The following TBC1D32 variants were observed in gnomAD, a reference collection of about 807,000 sequenced individuals.
The protein encoded by TBC1D32 is TBC1 domain family member 32.
A neutral mutation model predicts 170.3 loss-of-function variants in TBC1D32; 151 were observed. The observed-to-expected ratio is 0.89, with a 90% CI of 0.78 to 1.01. The LOEUF is 1.01. TBC1D32 is among the 50% of genes least tolerant of loss of function. The probability of loss-of-function intolerance (pLI) is 0.00; values close to 1 mark genes in which losing one functional copy is unlikely to be tolerated. For synonymous variants in TBC1D32, 498 were observed against 488.0 expected (o/e 1.02, Z -0.27); for missense variants, 1,464 against 1,457.1 (o/e 1.00, Z -0.08).
intron 21 of TBC1D32, among the ~76,000 whole-genome samples, chr6:121,215,715 G>A (rs1385819389): frequency 1.3e-5 from 2 of 150,686 alleles, no homozygotes; most frequent in Admixed American, 6.6e-5. Context: ...CTTTTCAAAA[G>A]AAGACATATA....
At chr6:121,120,766 A>G (rs1383627069) in intron 26 of TBC1D32, among the ~76,000 whole-genome samples, 1 of 152,040 alleles carries the variant, frequency 6.6e-6, no homozygotes, top group Non-Finnish European at 1.5e-5. Context: ...GTGCCTCAAC[A>G]TAATACCTAA....
intron 17 of TBC1D32, among the ~76,000 whole-genome samples, chr6:121,247,481 G>A (rs1797753726): frequency 1.3e-5 from 2 of 151,678 alleles, no homozygotes; most frequent in Admixed American, 6.6e-5. Flanking sequence ...CAATATTAAT[G>A]TTGAAAGTAA....
intron 21 of TBC1D32, among the ~76,000 whole-genome samples, chr6:121,218,293 C>G (rs1794080326): frequency 6.6e-6 from 1 of 152,168 alleles, no homozygotes; most frequent in African/African-American, 2.4e-5. Flanking sequence ...GTGGACAAAC[C>G]ATGTCAAATA....
intron 31 of TBC1D32, among the ~76,000 whole-genome samples, chr6:121,084,419 A>G (rs1252680137): frequency 6.6e-6 from 1 of 152,070 alleles, no homozygotes; most frequent in African/African-American, 2.4e-5. Context: ...TTTATTAATG[A>G]TGGTCTTTGA....
chr6:121,320,251 A>G (rs1442913924), intron 2 of TBC1D32, among the ~76,000 whole-genome samples: 1 of 151,086 alleles, frequency 6.6e-6, no homozygotes, highest in Non-Finnish European at 1.5e-5. Flanking sequence ...AAAAAGCTGT[A>G]CAATGTAAAA....
chr6:121,251,816 G>T (rs1221872461), intron 17 of TBC1D32, among the ~76,000 whole-genome samples: 2 of 152,062 alleles, frequency 1.3e-5, no homozygotes, highest in Admixed American at 6.5e-5. Flanking sequence ...TCTGACAAAG[G>T]TCTAATATCC....
At chr6:121,277,603 G>A (rs771895935) in intron 15 of TBC1D32, among the ~76,000 whole-genome samples, 38 of 150,930 alleles carry the variant, frequency 2.5e-4, no homozygotes, top group Admixed American at 2.1e-3. Context: ...TGAGATGTAG[G>A]AAAGATGTGG....
At chr6:121,273,583 A>G (rs551682472) in intron 15 of TBC1D32, among the ~76,000 whole-genome samples, 2 of 152,084 alleles carry the variant, frequency 1.3e-5, no homozygotes, top group South Asian at 2.1e-4. Context: ...ACACATATAC[A>G]TATGTAAAAA....
chr6:121,129,862 A>T (rs1781239157), intron 25 of TBC1D32: 2 of 436,542 alleles, frequency 4.6e-6, no homozygotes, highest in South Asian at 3.3e-5. Context: ...CAACAGGAAG[A>T]ACATACTTCA....
At chr6:121,299,598 A>G in intron 9 of TBC1D32, 93 bp from the exon 10 acceptor site, 1 of 1,253,884 alleles carries the variant, frequency 8.0e-7, no homozygotes, top group East Asian at 2.9e-5. Flanking sequence ...ATCATAAATC[A>G]CACAATAGCT....
At chr6:121,180,575 T>C (rs1456263453) in intron 22 of TBC1D32, among the ~76,000 whole-genome samples, 2 of 152,038 alleles carry the variant, frequency 1.3e-5, no homozygotes, top group Non-Finnish European at 2.9e-5. Flanking sequence ...TCTTTCACCA[T>C]ATGAAAAGTA....
chr6:121,098,387 A>G (rs528751121), intron 30 of TBC1D32, among the ~76,000 whole-genome samples: 1 of 151,948 alleles, frequency 6.6e-6, no homozygotes, highest in East Asian at 1.9e-4. Context: ...CCAGTAAAGT[A>G]AGGAAGAAAA....
chr6:121,189,793 C>T (rs899078994), intron 22 of TBC1D32, among the ~76,000 whole-genome samples: 5 of 152,086 alleles, frequency 3.3e-5, no homozygotes, highest in Admixed American at 6.5e-5. Context: ...ACTAACCATA[C>T]TGTGAGCCCT....
chr6:121,277,820 G>A (rs941221508), intron 15 of TBC1D32, among the ~76,000 whole-genome samples: 4 of 150,682 alleles, frequency 2.7e-5, no homozygotes, highest in Non-Finnish European at 4.4e-5. Flanking sequence ...AACAAAACCA[G>A]AAGTTAGTTT....
chr6:121,289,267 G>A (rs1804412217), intron 12 of TBC1D32, among the ~76,000 whole-genome samples: 1 of 152,136 alleles, frequency 6.6e-6, no homozygotes, highest in African/African-American at 2.4e-5. Context: ...CATCATCTCA[G>A]CCCAGAATCT....
chr6:121,149,956 T>G (rs1783997781), intron 24 of TBC1D32, among the ~76,000 whole-genome samples: 1 of 152,186 alleles, frequency 6.6e-6, no homozygotes, highest in Non-Finnish European at 1.5e-5. Context: ...GTAGTTCTCT[T>G]TGAAGAGATC....
chr6:121,287,510 T>C (rs1254565621), intron 12 of TBC1D32, among the ~76,000 whole-genome samples: 3 of 152,108 alleles, frequency 2.0e-5, no homozygotes, highest in African/African-American at 7.2e-5. Flanking sequence ...AAGAAAGTCC[T>C]TAGAGACCTA....
intron 15 of TBC1D32, among the ~76,000 whole-genome samples, chr6:121,277,894 A>G (rs1301499335): frequency 1.3e-5 from 2 of 151,940 alleles, no homozygotes; most frequent in African/African-American, 4.8e-5. Context: ...AAAAAAGAGA[A>G]GACACAAATT....
chr6:121,221,924 T>G (rs558312492), intron 21 of TBC1D32, among the ~76,000 whole-genome samples: 1 of 152,352 alleles, frequency 6.6e-6, no homozygotes, highest in South Asian at 2.1e-4. Flanking sequence ...GAAGTTCTAC[T>G]GTGGGTAAAA....
Sources: allele counts gnomAD v4.1 joint callset (sites outside exome capture counted in the v4.1 genomes callset), GRCh38; gene constraint gnomAD v4.1.1; transcripts MANE v1.5; gene names NCBI Gene and HGNC (gene_info 2026-07-23, HGNC 2026-07-21).